The following CENPL variants were observed in gnomAD, a reference collection of about 807,000 sequenced individuals.
The protein encoded by CENPL is centromere protein L.
CENPL carries 20 observed loss-of-function variants against 35.2 expected under a neutral mutation model. That is an observed-to-expected ratio of 0.57 (90% CI 0.40 to 0.83). The LOEUF (loss-of-function observed/expected upper bound fraction) is 0.83. Among genes scored for constraint, CENPL ranks in the 40% least tolerant of loss-of-function variants. The pLI is 0.00. For missense variants in CENPL, 363 were observed against 395.8 expected, an observed-to-expected ratio of 0.92 and a Z score of 0.70; for synonymous variants, 140 against 140.6, an observed-to-expected ratio of 1.00 and a Z score of 0.03.
At chr1:173,813,257 T>C (rs1317802581) in intron 2 of CENPL, among the ~76,000 whole-genome samples, 1 of 152,176 alleles carries the variant, frequency 6.6e-6, no homozygotes, top group South Asian at 2.1e-4. Flanking sequence ...CTCTGCAGGA[T>C]ATTATCCAGG....
chr1:173,815,102 C>T (rs1276659517), intron 2 of CENPL, among the ~76,000 whole-genome samples: 1 of 152,098 alleles, frequency 6.6e-6, no homozygotes, highest in African/African-American at 2.4e-5. Context: ...TGGATAAATT[C>T]CTGGACACAT....
intron 2 of CENPL, among the ~76,000 whole-genome samples, chr1:173,816,472 G>A (rs978712932): frequency 5.3e-5 from 8 of 152,124 alleles, no homozygotes; most frequent in Admixed American, 3.9e-4. Context: ...CATGGTACTG[G>A]TACCAAAACA....
At position 173,811,325 on chromosome 1, in the gene CENPL, A is replaced by T. The variant is rs751697791; in HGVS notation, c.-7-19T>A. 7 of 1,552,046 alleles carry T rather than the reference A, an allele frequency of 4.5e-6. No individual in the cohort carries two copies. The South Asian group carries it at 8.2e-5, about 18-fold the overall frequency. ...GGTCTGTCTGCATAAGAAGAAACAA[A>T]ACCAGAATTCTAAGCACTAAAAAGT... On this transcript the variant is annotated intron_variant, in intron 2 of 5. Coordinates refer to ENST00000682279, the MANE Select transcript of CENPL (RefSeq NM_001387287.1).
intron 2 of CENPL, among the ~76,000 whole-genome samples, chr1:173,813,155 C>T (rs1651008351): frequency 6.6e-6 from 1 of 152,114 alleles, no homozygotes; most frequent in Non-Finnish European, 1.5e-5. Context: ...AACAAAGGCT[C>T]CAAGAAATAT....
At chr1:173,809,062 C>G (rs1571960603) in intron 3 of CENPL, among the ~76,000 whole-genome samples, 2 of 152,148 alleles carry the variant, frequency 1.3e-5, no homozygotes, top group East Asian at 3.8e-4. Context: ...TGGGCCAGGT[C>G]AGGCGTGGTG....
intron 2 of CENPL, chr1:173,822,441 A>C (rs931687402): frequency 1.3e-5 from 2 of 152,020 alleles, no homozygotes; most frequent in African/African-American, 4.8e-5. Flanking sequence ...TTCATTCTAC[A>C]TAGGAAAATA....
intron 2 of CENPL, among the ~76,000 whole-genome samples, chr1:173,812,065 T>C (rs1365789465): frequency 1.3e-5 from 2 of 152,268 alleles, no homozygotes; most frequent in African/African-American, 2.4e-5. Flanking sequence ...TGCTCACTGC[T>C]AGCCCAGCAG....
intron 2 of CENPL, among the ~76,000 whole-genome samples, chr1:173,819,665 G>A (rs1196558609): frequency 6.6e-6 from 1 of 152,064 alleles, no homozygotes; most frequent in Non-Finnish European, 1.5e-5. Flanking sequence ...CGAATAAAAA[G>A]TTATATTACT....
At chr1:173,807,155 C>T in intron 4 of CENPL, 112 bp downstream of exon 4, 1 of 858,060 alleles carries the variant, frequency 1.2e-6, no homozygotes, top group African/African-American at 1.7e-5. Context: ...CACAAACTAC[C>T]TATATATATA....
At position 173,809,944 on chromosome 1, in the gene CENPL, C is replaced by CT. The variant is rs1650648508; in HGVS notation, c.168+1187dup. Among the ~76,000 whole-genome samples the CT allele has an allele frequency of 4.6e-5, 7 of 152,308 alleles. No homozygotes were observed. In the South Asian group the frequency reaches 1.5e-3, roughly 32 times the overall value. Reference sequence around the variant, plus strand: ...GAATTAGTTCAACCATTGTGGAAGACTGTGTGGCAATTCCTCAAAGACCTA... The same window carrying CT: ...GAATTAGTTCAACCATTGTGGAAGACTTGTGTGGCAATTCCTCAAAGACCTA... On this transcript the variant is annotated intron_variant, in intron 3 of 5. Coordinates refer to ENST00000682279, the MANE Select transcript of CENPL (RefSeq NM_001387287.1).
intron 4 of CENPL, among the ~76,000 whole-genome samples, chr1:173,804,412 A>G (rs1446787939): frequency 6.6e-6 from 1 of 152,172 alleles, no homozygotes; most frequent in Non-Finnish European, 1.5e-5. Context: ...TTCTCTCACT[A>G]TTCTAGTCAC....
In CENPL at chr1:173,803,210, AATTCAGTAGTAGCCACATAATGGTCC is replaced by A; in HGVS notation, c.690_715del (p.Met230IlefsTer8). 2 of 1,613,926 alleles carry A rather than the reference AATTCAGTAGTAGCCACATAATGGTCC, an allele frequency of 1.2e-6. No individual in the cohort carries two copies. The highest frequency in any genetic ancestry group is 1.7e-6 in the Non-Finnish European group (2 of 1,179,762). On this transcript the variant is annotated frameshift_variant, in exon 5 of 6. Transcript: ENST00000682279. LOFTEE classifies it high-confidence loss of function. ...AGGGCTACAGGGTACAGACCAAAGA[AATTCAGTAGTAGCCACATAATGGTCC>A]ATTTTGCATGCAGTCCACATGGCAG...
At chr1:173,804,158 T>C (rs962488131) in intron 4 of CENPL, among the ~76,000 whole-genome samples, 7 of 152,242 alleles carry the variant, frequency 4.6e-5, no homozygotes, top group Non-Finnish European at 7.3e-5. Context: ...AATTCTTTCA[T>C]TGAGGAAGGC....
At chr1:173,822,552 A>T (rs1652055243) in intron 2 of CENPL, 2 of 152,146 alleles carry the variant, frequency 1.3e-5, no homozygotes, top group South Asian at 4.1e-4. Context: ...TTCAAAACTA[A>T]TCATCGCTTC....
intron 5 of CENPL, among the ~76,000 whole-genome samples, chr1:173,801,518 G>GA (rs370586813): frequency 1.7e-3 from 225 of 129,000 alleles, no homozygotes; most frequent in Middle Eastern, 0.016. Context: ...CATCTCGAAG[G>GA]AAAAAAAAAA....
At position 173,807,619 on chromosome 1, in the gene CENPL, C is replaced by G. The variant is rs1286962471; in HGVS notation, c.169-101G>C. On this transcript the variant is annotated intron_variant, in intron 3 of 5. Coordinates refer to ENST00000682279, the MANE Select transcript of CENPL (RefSeq NM_001387287.1). Reference sequence around the variant, plus strand: ...TCTAATACAAATATATTATTGAGTACCTGATTTTTGCACTCCAACCAAATG... The same window carrying G: ...TCTAATACAAATATATTATTGAGTAGCTGATTTTTGCACTCCAACCAAATG... 6.0e-6 allele frequency: 6 copies of G among 1,004,050 alleles called. No homozygotes were observed. In the East Asian group the frequency reaches 1.6e-4, roughly 26 times the overall value. 62.2% of individuals were successfully genotyped at this position (1,004,050 alleles called of 1,614,324 possible).
intron 2 of CENPL, among the ~76,000 whole-genome samples, chr1:173,820,385 G>A (rs190916246): frequency 6.6e-6 from 1 of 152,140 alleles, no homozygotes; most frequent in East Asian, 1.9e-4. Context: ...AATTAGCCTG[G>A]CATGATGGTA....
chr1:173,805,172 G>A (rs1650099286), intron 4 of CENPL, among the ~76,000 whole-genome samples: 1 of 152,112 alleles, frequency 6.6e-6, no homozygotes, highest in African/African-American at 2.4e-5. Flanking sequence ...TGCTTCACTT[G>A]ACAAAAACTG....
chr1:173,805,842 C>CT (rs35772612), intron 4 of CENPL, among the ~76,000 whole-genome samples: 38,272 of 151,466 alleles, frequency 0.25, 4,932 homozygotes, highest in Middle Eastern at 0.4. Context: ...CATCCATGCA[C>CT]TTTTTTTTTA....
Sources: gnomAD v4.1 joint callset for allele counts (sites outside exome capture counted in the v4.1 genomes callset) on GRCh38, gnomAD v4.1.1 for gene constraint, MANE v1.5 for transcripts, NCBI Gene and HGNC (gene_info 2026-07-23, HGNC 2026-07-21) for gene names.